Variants in LGSN observed in about 807,000 individuals in gnomAD.
LGSN encodes the protein lengsin.
Under a neutral mutation model 19.5 loss-of-function variants are expected in LGSN, and 21 were observed. The ratio of observed to expected loss-of-function variants is 1.07; its 90% CI spans 0.76 to 1.55. The LOEUF (loss-of-function observed/expected upper bound fraction) is 1.55. Among genes scored for constraint, LGSN ranks in the 40% most tolerant of loss-of-function variants. LGSN has a pLI of 0.00. For synonymous variants in LGSN, 257 were observed against 215.6 expected, an observed-to-expected ratio of 1.19 and a Z score of -1.68; for missense variants, 673 against 608.5, an observed-to-expected ratio of 1.11 and a Z score of -1.12.
rs567040304 is a variant in LGSN, at chr6:63,297,754, A to G, written c.31-2709T>C. On this transcript the variant is annotated intron_variant, in intron 1 of 3. Coordinates refer to ENST00000370657, the MANE Select transcript of LGSN (RefSeq NM_016571.3). Reference sequence around the variant, plus strand: ...CATTCTCATCTGTAAACACTAATATAAATAAAATCATATTGTCAAATTAAA... The same window carrying G: ...CATTCTCATCTGTAAACACTAATATGAATAAAATCATATTGTCAAATTAAA... 1.7e-3 allele frequency among the ~76,000 whole-genome samples: 253 copies of G among 152,312 alleles called. 1 individual carries two copies. Among genetic ancestry groups the G allele is most frequent in the Middle Eastern group, 6.8e-3 (2 of 294 alleles).
chr6:63,374,926 G>T, the LGSN span, among the ~76,000 whole-genome samples: 2 of 152,020 alleles, frequency 1.3e-5, no homozygotes, highest in African/African-American at 4.8e-5. Flanking sequence ...AAAGGAAATT[G>T]TGACTGGAAA....
At chr6:63,551,176 C>T in the LGSN span, among the ~76,000 whole-genome samples, 351 of 152,212 alleles carry the variant, frequency 2.3e-3, 2 homozygotes, top group African/African-American at 8.0e-3. Flanking sequence ...AGTGATTCTC[C>T]TGCCTCAGCC....
chr6:63,547,177 G>T, the LGSN span, among the ~76,000 whole-genome samples: 1 of 150,522 alleles, frequency 6.6e-6, no homozygotes, highest in Admixed American at 6.7e-5. Flanking sequence ...TTACAGGCTA[G>T]TAGGGGGGAA....
chr6:63,432,883 G>A, the LGSN span, among the ~76,000 whole-genome samples: 1 of 152,052 alleles, frequency 6.6e-6, no homozygotes, highest in Non-Finnish European at 1.5e-5. Context: ...TGACATTCCA[G>A]GAGTTGTAAA....
chr6:63,334,549 A>G, the LGSN span, among the ~76,000 whole-genome samples: 1 of 152,222 alleles, frequency 6.6e-6, no homozygotes, highest in African/African-American at 2.4e-5. Context: ...AGCAATCTAC[A>G]TATTCAATGC....
chr6:63,443,179 T>C, the LGSN span, among the ~76,000 whole-genome samples: 2 of 152,186 alleles, frequency 1.3e-5, no homozygotes, highest in Admixed American at 6.5e-5. Flanking sequence ...CCACAGCTAC[T>C]GGCCCGGATG....
At chr6:63,562,222 A>C in the LGSN span, among the ~76,000 whole-genome samples, 1 of 143,846 alleles carries the variant, frequency 7.0e-6, no homozygotes, top group East Asian at 2.0e-4. Context: ...TTTTTGAGAC[A>C]GAGTTTTGCT....
the LGSN span, among the ~76,000 whole-genome samples, chr6:63,376,192 T>C: frequency 5.3e-5 from 8 of 152,162 alleles, no homozygotes; most frequent in Admixed American, 5.2e-4. Flanking sequence ...TTTGTCTCTC[T>C]AACCATTCCT....
chr6:63,314,877 CA>C (rs1356795372), intron 1 of LGSN, among the ~76,000 whole-genome samples: 2 of 152,210 alleles, frequency 1.3e-5, no homozygotes, highest in African/African-American at 2.4e-5. Flanking sequence ...CACCAATCTG[CA>C]CAGGTAATTA....
the LGSN span, among the ~76,000 whole-genome samples, chr6:63,444,660 T>C: frequency 2.0e-5 from 3 of 152,192 alleles, no homozygotes; most frequent in African/African-American, 7.2e-5. Flanking sequence ...AGCAGGACTT[T>C]ATGAATTTTT....
At chr6:63,526,803 GTATATATATATATATATA>G in the LGSN span, among the ~76,000 whole-genome samples, 8 of 101,440 alleles carry the variant, frequency 7.9e-5, no homozygotes, top group African/African-American at 3.0e-4. Flanking sequence ...TCTCAAAAAT[GTATATATATATATATATA>G]TATATATATA....
the LGSN span, among the ~76,000 whole-genome samples, chr6:63,517,171 ATAT>A: frequency 6.6e-6 from 1 of 152,178 alleles, no homozygotes; most frequent in African/African-American, 2.4e-5. Context: ...AACAAGGATA[ATAT>A]TATGGTCTAA....
the LGSN span, among the ~76,000 whole-genome samples, chr6:63,366,194 C>T: frequency 7.9e-5 from 12 of 152,192 alleles, no homozygotes; most frequent in Admixed American, 1.3e-4. Context: ...AAAACCCCAT[C>T]GTCTCAGCCT....
chr6:63,482,199 T>A, the LGSN span, among the ~76,000 whole-genome samples: 2 of 152,202 alleles, frequency 1.3e-5, no homozygotes, highest in Non-Finnish European at 2.9e-5. Flanking sequence ...CACATACATA[T>A]ACACATGTTG....
chr6:63,321,662 A>G (rs141348041), upstream of LGSN, among the ~76,000 whole-genome samples: 57 of 152,300 alleles, frequency 3.7e-4, no homozygotes, highest in African/African-American at 1.3e-3. Flanking sequence ...AATTTATGGT[A>G]TTAGCATGAT....
the LGSN span, among the ~76,000 whole-genome samples, chr6:63,434,439 C>CA: frequency 0.075 from 7,947 of 105,854 alleles, 512 homozygotes; most frequent in African/African-American, 0.19. Context: ...GACTCCATCT[C>CA]AAAAAAAAAA....
intron 1 of LGSN, among the ~76,000 whole-genome samples, chr6:63,298,558 A>G (rs1309803014): frequency 6.6e-6 from 1 of 152,050 alleles, no homozygotes; most frequent in Non-Finnish European, 1.5e-5. Flanking sequence ...GGCTTAGTTG[A>G]TCAAGATGTG....
At position 63,280,564 on chromosome 6, in the gene LGSN, G is replaced by A. The variant is rs761910496; in HGVS notation, c.987C>T (p.Cys329=). The A allele has an allele frequency of 2.5e-6, 4 of 1,613,984 alleles. No homozygotes were observed. The highest frequency in any genetic ancestry group is 3.4e-6 in the Non-Finnish European group (4 of 1,180,044). ...WDVDRKKNMF[C]STSGTEQLTI... ...TGAGCTGCTCAGTTCCAGAAGTGCT[G>A]CAGAACATGTTTTTCTTCCTATCGA... Residue 329 remains cysteine (C), a synonymous_variant, in exon 4 of 4, where the codon TGC becomes TGT. Transcript: ENST00000370657.
chr6:63,442,779 T>C, the LGSN span, among the ~76,000 whole-genome samples: 1 of 152,210 alleles, frequency 6.6e-6, no homozygotes, highest in Non-Finnish European at 1.5e-5. Context: ...AGAGTGCTGA[T>C]TGGTGCATCC....
Sources: allele counts gnomAD v4.1 joint callset (sites outside exome capture counted in the v4.1 genomes callset), GRCh38; gene constraint gnomAD v4.1.1; transcripts MANE v1.5; gene names NCBI Gene and HGNC (gene_info 2026-07-23, HGNC 2026-07-21).